EGFLAM: variants seen among roughly 807,000 people sequenced by gnomAD.
EGFLAM encodes EGF like, fibronectin type III and laminin G domains, also known as pikachurin.
Under a neutral mutation model 113.1 loss-of-function variants are expected in EGFLAM, and 79 were observed. The ratio of observed to expected loss-of-function variants is 0.70; its 90% CI spans 0.58 to 0.84. EGFLAM has a LOEUF of 0.84. Ranked by LOEUF, EGFLAM falls within the 40% of genes least tolerant of loss-of-function variation. EGFLAM has a pLI of 0.00. For missense variants in EGFLAM, 1,265 were observed against 1,291.6 expected, an observed-to-expected ratio of 0.98 and a Z score of 0.32; for synonymous variants, 504 against 487.6, an observed-to-expected ratio of 1.03 and a Z score of -0.44.
At chr5:38,434,189 C>T (rs55899889) in intron 15 of EGFLAM, among the ~76,000 whole-genome samples, 2,057 of 152,330 alleles carry the variant, frequency 0.014, 31 homozygotes, top group African/African-American at 0.048. Flanking sequence ...CTCACATTCC[C>T]TCTAAGCCCC....
intron 1 of EGFLAM, among the ~76,000 whole-genome samples, chr5:38,301,711 G>C (rs935569738): frequency 2.0e-5 from 3 of 152,150 alleles, no homozygotes; most frequent in Admixed American, 6.5e-5. Context: ...GAGCTTGAAG[G>C]GGGGTAGGGT....
chr5:38,350,332 A>AT (rs1739586905), intron 3 of EGFLAM, among the ~76,000 whole-genome samples, 169 bp from the exon 4 acceptor site: 1 of 152,104 alleles, frequency 6.6e-6, no homozygotes, highest in South Asian at 2.1e-4. Context: ...TGTCATGGCT[A>AT]TTTTTTTCTT....
intron 6 of EGFLAM, among the ~76,000 whole-genome samples, chr5:38,371,619 CACAT>C (rs1227947954): frequency 4.0e-5 from 6 of 149,162 alleles, no homozygotes; most frequent in Non-Finnish European, 6.0e-5. Context: ...TGCGCACACA[CACAT>C]ACACACACAC....
intron 17 of EGFLAM, among the ~76,000 whole-genome samples, chr5:38,438,778 T>G (rs992919826): frequency 6.6e-6 from 1 of 152,194 alleles, no homozygotes; most frequent in African/African-American, 2.4e-5. Context: ...CCAGGACTTT[T>G]GCATCTGAGC....
intron 3 of EGFLAM, among the ~76,000 whole-genome samples, chr5:38,346,301 ATTGT>A (rs2111971086): frequency 6.6e-6 from 1 of 152,362 alleles, no homozygotes; most frequent in South Asian, 2.1e-4. Context: ...TATGGTAAAT[ATTGT>A]TTGTTGTTGA....
rs541698219 is a variant in EGFLAM, at chr5:38,418,626, G to A, written c.1684+371G>A. 3.0e-4 allele frequency among the ~76,000 whole-genome samples: 45 copies of A among 152,292 alleles called. No individual in the cohort carries two copies. In the Middle Eastern group the frequency reaches 0.014, roughly 46 times the overall value. On this transcript the variant is annotated intron_variant, in intron 12 of 21. Coordinates refer to ENST00000322350, the MANE Select transcript of EGFLAM (RefSeq NM_152403.4). ...AAGAACCAACACAGTAATGTAAGAA[G>A]AGCTTTCATACACTCTCTGTTTCTT...
intron 6 of EGFLAM, among the ~76,000 whole-genome samples, chr5:38,391,001 T>C (rs1433555549): frequency 1.3e-5 from 2 of 152,184 alleles, no homozygotes; most frequent in Non-Finnish European, 2.9e-5. Context: ...TAATTCAATG[T>C]AATTAAACAT....
rs577927850 is a variant in EGFLAM at position 38,339,711 on chromosome 5, G to A, written c.291+930G>A. 5.3e-5 allele frequency among the ~76,000 whole-genome samples: 8 copies of A among 152,292 alleles called. No individual in the cohort carries two copies. In the East Asian group the frequency reaches 1.3e-3, roughly 26 times the overall value. Reference sequence around the variant, plus strand: ...TCAAGTCATACATTAGCGAGTAACAGCATCAACTGTAAACTCAGAGCTGAC... The same window carrying A: ...TCAAGTCATACATTAGCGAGTAACAACATCAACTGTAAACTCAGAGCTGAC... On this transcript the variant is annotated intron_variant, in intron 3 of 21. Coordinates refer to ENST00000322350, the MANE Select transcript of EGFLAM (RefSeq NM_152403.4).
chr5:38,319,647 G>A (rs573869226), intron 1 of EGFLAM, among the ~76,000 whole-genome samples: 2 of 152,328 alleles, frequency 1.3e-5, no homozygotes, highest in East Asian at 1.9e-4. Context: ...GGGAGGAGAT[G>A]GAGATCTGAA....
At chr5:38,457,701 C>T (rs1743135246) in intron 19 of EGFLAM, among the ~76,000 whole-genome samples, 1 of 152,156 alleles carries the variant, frequency 6.6e-6, no homozygotes, top group Non-Finnish European at 1.5e-5. Context: ...AGGGGGCAGA[C>T]CATCATCGTA....
intron 5 of EGFLAM, among the ~76,000 whole-genome samples, chr5:38,368,313 C>A: frequency 6.6e-6 from 1 of 152,188 alleles, no homozygotes; most frequent in African/African-American, 2.4e-5. Context: ...AGAATTCCAT[C>A]TTTGGGAAAA....
At chr5:38,408,835 A>G (rs1741377671) in intron 9 of EGFLAM, among the ~76,000 whole-genome samples, 169 bp from the exon 10 acceptor site, 1 of 152,182 alleles carries the variant, frequency 6.6e-6, no homozygotes, top group African/African-American at 2.4e-5. Flanking sequence ...ATTGAAAATG[A>G]ACTGGGACCA....
At chr5:38,314,435 G>A (rs1738538086) in intron 1 of EGFLAM, among the ~76,000 whole-genome samples, 1 of 152,216 alleles carries the variant, frequency 6.6e-6, no homozygotes, top group Non-Finnish European at 1.5e-5. Context: ...GAACCATTAT[G>A]TGAATGTGAG....
At chr5:38,379,594 GA>G (rs779727843) in intron 6 of EGFLAM, among the ~76,000 whole-genome samples, 10 of 152,038 alleles carry the variant, frequency 6.6e-5, no homozygotes, top group Non-Finnish European at 1.5e-4. Flanking sequence ...GAAGTTCAGA[GA>G]AAGCCCCTCC....
chr5:38,315,807 G>A (rs1738578427), intron 1 of EGFLAM, among the ~76,000 whole-genome samples: 1 of 152,154 alleles, frequency 6.6e-6, no homozygotes, highest in Non-Finnish European at 1.5e-5. Flanking sequence ...CGGGCATGGT[G>A]GCTCATGTCT....
At chr5:38,262,490 A>C (rs6864591) in intron 1 of EGFLAM, among the ~76,000 whole-genome samples, 43,181 of 151,996 alleles carry the variant, frequency 0.28, 7,071 homozygotes, top group Non-Finnish European at 0.37. Context: ...CTTAAATATT[A>C]CCTTGTGTCC....
intron 1 of EGFLAM, among the ~76,000 whole-genome samples, chr5:38,308,149 C>T (rs1441204532): frequency 6.6e-6 from 1 of 152,210 alleles, no homozygotes; most frequent in Admixed American, 6.5e-5. Flanking sequence ...AAAACCTCTC[C>T]CCTCTCACAA....
intron 3 of EGFLAM, among the ~76,000 whole-genome samples, chr5:38,340,849 G>GCCCCCCAAACACACACACACACA (rs1418141180): frequency 6.2e-3 from 416 of 66,972 alleles, no homozygotes; most frequent in Non-Finnish European, 8.2e-3. Flanking sequence ...GTGTGTTTGG[G>GCCCCCCAAACACACACACACACA]GGGGTGGGGG....
At chr5:38,461,051 A>T (rs1743254490) in intron 20 of EGFLAM, 2 of 152,226 alleles carry the variant, frequency 1.3e-5, no homozygotes, top group South Asian at 4.1e-4. Context: ...AATGATATTG[A>T]TAACAATAAC....
Sources: allele counts gnomAD v4.1 joint callset (sites outside exome capture counted in the v4.1 genomes callset), GRCh38; gene constraint gnomAD v4.1.1; transcripts MANE v1.5; gene names NCBI Gene and HGNC (gene_info 2026-07-23, HGNC 2026-07-21).